The following SLIT2 variants were observed in gnomAD, a reference collection of about 807,000 sequenced individuals.
SLIT2 encodes the protein slit homolog 2 protein.
SLIT2 carries 41 observed loss-of-function variants against 185.7 expected under a neutral mutation model. That is an observed-to-expected ratio of 0.22 (90% CI 0.17 to 0.29). The LOEUF is 0.29. SLIT2 is among the 10% of genes least tolerant of loss of function. The probability of loss-of-function intolerance (pLI) is 1.00; values close to 1 mark genes in which losing one functional copy is unlikely to be tolerated. For missense variants in SLIT2, 1,571 were observed against 1,909.0 expected (o/e 0.82, Z 3.30); for synonymous variants, 693 against 680.2 (o/e 1.02, Z -0.29).
chr4:20,503,337 T>A (rs1340174285), intron 9 of SLIT2, among the ~76,000 whole-genome samples: 1 of 152,302 alleles, frequency 6.6e-6, no homozygotes, highest in East Asian at 1.9e-4. Flanking sequence ...ATACGAAAGA[T>A]GATTTTTGTA....
In SLIT2 at chr4:20,564,674, T is replaced by A. The variant is rs574820677; in HGVS notation, c.2726-2588T>A. Among the ~76,000 whole-genome samples, 169 of 151,998 alleles carry A rather than the reference T, an allele frequency of 1.1e-3. 1 individual carries two copies. Among genetic ancestry groups the A allele is most frequent in the African/African-American group, 3.8e-3 (158 of 41,508 alleles). ...CATGAGCTTTACCAACCTGAAGAAGTTGGAACTCAGTATTTTGCTATATTC... is the reference window on the plus strand; with the variant it reads ...CATGAGCTTTACCAACCTGAAGAAGATGGAACTCAGTATTTTGCTATATTC... On this transcript the variant is annotated intron_variant, in intron 26 of 36. Coordinates refer to ENST00000504154, the MANE Select transcript of SLIT2 (RefSeq NM_004787.4).
At position 20,542,762 on chromosome 4, in the gene SLIT2, A is replaced by C. The variant is rs186286600; in HGVS notation, c.2276+136A>C. ...AAGGCCAGTTAATTATTATCCTGTAAAATGGTAAATAAGTAATGCAAAAGC... is the reference window on the plus strand; with the variant it reads ...AAGGCCAGTTAATTATTATCCTGTACAATGGTAAATAAGTAATGCAAAAGC... On this transcript the variant is annotated intron_variant, in intron 21 of 36. Coordinates refer to ENST00000504154, the MANE Select transcript of SLIT2 (RefSeq NM_004787.4). 1.4e-3 allele frequency: 1,326 copies of C among 944,748 alleles called. 17 individuals are homozygous for C. Among genetic ancestry groups the C allele is most frequent in the South Asian group, 0.011 (656 of 61,550 alleles). The allele number at this position is 944,748 out of a possible 1,614,324, so 58.5% of individuals were successfully genotyped here.
At chr4:20,555,309 A>G (rs1724152882) in intron 26 of SLIT2, among the ~76,000 whole-genome samples, 1 of 152,090 alleles carries the variant, frequency 6.6e-6, no homozygotes, top group Non-Finnish European at 1.5e-5. Flanking sequence ...AACGTACTTA[A>G]GTAGGTAATG....
chr4:20,489,063 G>A (rs1050624002), intron 8 of SLIT2, 81 bp downstream of exon 8: 2 of 1,163,288 alleles, frequency 1.7e-6, no homozygotes, highest in Non-Finnish European at 2.5e-6. Context: ...ATGCGTCAAA[G>A]GTTTCAGTAT....
intron 4 of SLIT2, among the ~76,000 whole-genome samples, chr4:20,349,994 G>T (rs1721731035): frequency 6.6e-6 from 1 of 152,132 alleles, no homozygotes; most frequent in African/African-American, 2.4e-5. Flanking sequence ...ACTCATCCTA[G>T]TATTTGCATT....
Position 20,437,943 on chromosome 4 carries a change from A to G in SLIT2, c.396-29809A>G, listed in dbSNP as rs143759767. On this transcript the variant is annotated intron_variant, in intron 4 of 36. Coordinates refer to ENST00000504154, the MANE Select transcript of SLIT2 (RefSeq NM_004787.4). ...AAAAAAAAAAAAAAAAAAAGTAAAAACTAAGAGTTATCCTTGACTCCCCTC... is the reference window on the plus strand; with the variant it reads ...AAAAAAAAAAAAAAAAAAAGTAAAAGCTAAGAGTTATCCTTGACTCCCCTC... Among the ~76,000 whole-genome samples the G allele has an allele frequency of 8.2e-4, 124 of 151,658 alleles. 3 individuals carry two copies. In the East Asian group the frequency reaches 0.023, roughly 28 times the overall value.
At chr4:20,285,813 G>A (rs1023154627) in intron 4 of SLIT2, among the ~76,000 whole-genome samples, 2 of 152,174 alleles carry the variant, frequency 1.3e-5, no homozygotes, top group African/African-American at 4.8e-5. Context: ...CTCCCAAAGT[G>A]CTGGGATTAC....
At chr4:20,386,431 G>C (rs1292254058) in intron 4 of SLIT2, among the ~76,000 whole-genome samples, 1 of 152,136 alleles carries the variant, frequency 6.6e-6, no homozygotes, top group Admixed American at 6.6e-5. Flanking sequence ...GTGACACATT[G>C]TATCTTCTTA....
At chr4:20,371,844 T>C (rs1723601188) in intron 4 of SLIT2, among the ~76,000 whole-genome samples, 1 of 152,138 alleles carries the variant, frequency 6.6e-6, no homozygotes, top group South Asian at 2.1e-4. Context: ...TACTGTACTC[T>C]TGTACTTTTT....
chr4:20,475,734 TACC>T (rs1716026525), intron 5 of SLIT2, among the ~76,000 whole-genome samples: 1 of 152,182 alleles, frequency 6.6e-6, no homozygotes. Context: ...TTTCAGTTTC[TACC>T]ACTTTTGATT....
At chr4:20,307,302 A>T (rs1717674831) in intron 4 of SLIT2, among the ~76,000 whole-genome samples, 1 of 133,118 alleles carries the variant, frequency 7.5e-6, no homozygotes, top group Non-Finnish European at 1.6e-5. Context: ...TCTCCTTGTC[A>T]CCCAGGCAGG....
chr4:20,456,967 C>T (rs185574819), intron 4 of SLIT2, among the ~76,000 whole-genome samples: 2 of 152,168 alleles, frequency 1.3e-5, no homozygotes, highest in Admixed American at 1.3e-4. Context: ...AAAAAAATAT[C>T]TCTACCCTAT....
Position 20,467,767 on chromosome 4 carries a change from C to T in SLIT2, c.411C>T (p.Asn137=), listed in dbSNP as rs1407309226. The T allele has an allele frequency of 1.9e-6, 3 of 1,595,598 alleles. No homozygotes were observed. The highest frequency in any genetic ancestry group is 8.6e-7 in the Non-Finnish European group (1 of 1,169,146). The part of the protein sequence containing the change: ...AKLYRLDLSE[N]QIQAIPRKAF... ...TTGTTTTTAGTGATCTCAGTGAAAA[C>T]CAAATTCAGGCAATCCCAAGGAAAG... Residue 137 remains asparagine (N), a synonymous_variant, in exon 5 of 37, where the codon AAC becomes AAT. Coordinates refer to ENST00000504154, the MANE Select transcript of SLIT2 (RefSeq NM_004787.4).
chr4:20,272,308 A>C (rs556677683), intron 4 of SLIT2, among the ~76,000 whole-genome samples: 1 of 151,958 alleles, frequency 6.6e-6, no homozygotes, highest in South Asian at 2.1e-4. Flanking sequence ...AAGTTTTCTT[A>C]ACTTATAGAC....
At chr4:20,382,057 C>A (rs1724572156) in intron 4 of SLIT2, among the ~76,000 whole-genome samples, 1 of 151,642 alleles carries the variant, frequency 6.6e-6, no homozygotes, top group African/African-American at 2.4e-5. Flanking sequence ...GGATTTATCC[C>A]AAAAATGCAA....
At chr4:20,583,325 T>C (rs1253736739) in intron 29 of SLIT2, among the ~76,000 whole-genome samples, 3 of 152,182 alleles carry the variant, frequency 2.0e-5, no homozygotes, top group African/African-American at 7.2e-5. Context: ...TTTGCTGTTT[T>C]AATTATTTGA....
At chr4:20,535,676 T>C (rs551522699) in intron 18 of SLIT2, among the ~76,000 whole-genome samples, 1 of 152,242 alleles carries the variant, frequency 6.6e-6, no homozygotes, top group East Asian at 1.9e-4. Flanking sequence ...GAGGCCTCGC[T>C]TCTGGGCTTG....
chr4:20,321,740 A>G (rs1161903568), intron 4 of SLIT2, among the ~76,000 whole-genome samples: 1 of 152,182 alleles, frequency 6.6e-6, no homozygotes, highest in Non-Finnish European at 1.5e-5. Flanking sequence ...CCTCATGCCC[A>G]GATTTTTTCT....
At chr4:20,381,867 A>T (rs192335152) in intron 4 of SLIT2, among the ~76,000 whole-genome samples, 1 of 152,162 alleles carries the variant, frequency 6.6e-6, no homozygotes, top group African/African-American at 2.4e-5. Flanking sequence ...ACAAAAACAT[A>T]AAACTCCAGA....
Sources: allele counts gnomAD v4.1 joint callset (sites outside exome capture counted in the v4.1 genomes callset), GRCh38; gene constraint gnomAD v4.1.1; transcripts MANE v1.5; gene names NCBI Gene and HGNC (gene_info 2026-07-23, HGNC 2026-07-21).